The following NIPBL variants were observed in gnomAD, a reference collection of about 807,000 sequenced individuals.
NIPBL encodes nipped-B-like protein.
Under a neutral mutation model 321.8 loss-of-function variants are expected in NIPBL, and 19 were observed. The observed-to-expected ratio is 0.06, with a 90% CI of 0.04 to 0.09. NIPBL has a LOEUF of 0.09. NIPBL is among the 10% of genes least tolerant of loss of function. The pLI, the probability that NIPBL is intolerant of heterozygous loss-of-function variation, is 1.00. For synonymous variants in NIPBL, 1,106 were observed against 1,114.1 expected (o/e 0.99, Z 0.14); for missense variants, 2,210 against 3,327.0 (o/e 0.66, Z 8.26).
At chr5:36,956,877 G>A (rs144018995) in intron 3 of NIPBL, among the ~76,000 whole-genome samples, 609 of 151,726 alleles carry the variant, frequency 4.0e-3, no homozygotes, top group Non-Finnish European at 5.0e-3. Context: ...CACCCACCTC[G>A]GCCTCCCAAA....
chr5:37,061,886 G>A (rs1265332766), intron 45 of NIPBL, among the ~76,000 whole-genome samples: 2 of 152,108 alleles, frequency 1.3e-5, no homozygotes, highest in Admixed American at 6.5e-5. Flanking sequence ...TTGTTGCCCA[G>A]GCTGGAGTGC....
rs141750225 is a variant in NIPBL at position 36,957,983 on chromosome 5, CAAA to C, written c.231-105_231-103del. ...GGGGGACAAGAGTGAGACTTCGTCT[CAAA>C]AAAAAAAAAAAAAAATTCATATTGT... On this transcript the variant is annotated intron_variant, in intron 3 of 46. Transcript: ENST00000282516. 37,095 of 737,264 alleles carry C rather than the reference CAAA, an allele frequency of 0.05. 33 individuals carry two copies. The highest frequency in any genetic ancestry group is 0.076 in the Middle Eastern group (168 of 2,204). 45.7% of individuals were successfully genotyped at this position (737,264 alleles called of 1,614,324 possible). A position where few individuals can be genotyped will look rare whatever the true frequency, so the allele number is the denominator to read the frequency against.
At chr5:36,905,678 G>A (rs1298634505) in intron 1 of NIPBL, among the ~76,000 whole-genome samples, 7 of 151,790 alleles carry the variant, frequency 4.6e-5, no homozygotes, top group Non-Finnish European at 7.4e-5. Flanking sequence ...TTAGGTAGGC[G>A]CAATATTTCT....
chr5:37,041,251 G>GTTTTTT (rs1561200046), intron 34 of NIPBL, among the ~76,000 whole-genome samples: 2 of 93,684 alleles, frequency 2.1e-5, no homozygotes, highest in African/African-American at 1.4e-4. Flanking sequence ...GTTATGTGGT[G>GTTTTTT]GTTTTTTTTT....
At position 36,985,536 on chromosome 5, in the gene NIPBL, A is replaced by G. The variant is rs1040265113; in HGVS notation, c.2356A>G (p.Thr786Ala). ...KPEVSKHKQD[T>A]KSDSPRLKSE... Reference sequence around the variant, plus strand: ...TGAAGTGTCTAAACATAAACAAGATACTAAATCTGACTCACCTCGGTTAAA... The same window carrying G: ...TGAAGTGTCTAAACATAAACAAGATGCTAAATCTGACTCACCTCGGTTAAA... The change falls in exon 10 of 47, where the codon ACT becomes GCT. Residue 786 changes from threonine (T) to alanine (A), a missense_variant. Thr to Ala is a moderately conservative substitution (Grantham distance 58). Transcript: ENST00000282516. The G allele has an allele frequency of 2.5e-6, 4 of 1,613,676 alleles. No individual in the cohort carries two copies. In the Admixed American group the frequency reaches 5.0e-5, roughly 20 times the overall value.
intron 21 of NIPBL, among the ~76,000 whole-genome samples, chr5:37,010,594 C>G (rs1748006476): frequency 6.6e-6 from 1 of 152,150 alleles, no homozygotes; most frequent in South Asian, 2.1e-4. Flanking sequence ...GTGGGAGCCA[C>G]TGCGCCTGGC....
In NIPBL at chr5:36,938,244, T is replaced by C. The variant is rs138588101; in HGVS notation, c.-79-15374T>C. Among the ~76,000 whole-genome samples the C allele has an allele frequency of 8.1e-3, 1,238 of 152,104 alleles. 11 individuals carry two copies. Among genetic ancestry groups the C allele is most frequent in the African/African-American group, 0.028 (1,176 of 41,492 alleles). On this transcript the variant is annotated intron_variant, in intron 1 of 46. Transcript: ENST00000282516. ...TTCCGGGAGAAGGGTTGAGAGACTG[T>C]AGTTTTAGGCCAGTACGTATTGAAG...
chr5:36,999,340 T>A (rs1746517374), intron 11 of NIPBL, among the ~76,000 whole-genome samples: 1 of 152,210 alleles, frequency 6.6e-6, no homozygotes, highest in Non-Finnish European at 1.5e-5. Flanking sequence ...CAGCAACAAG[T>A]GATCACAACA....
intron 3 of NIPBL, among the ~76,000 whole-genome samples, chr5:36,957,424 T>C (rs1741089819): frequency 6.6e-6 from 1 of 152,210 alleles, no homozygotes; most frequent in African/African-American, 2.4e-5. Context: ...TAAGAAAATA[T>C]ATTCCAATAC....
intron 10 of NIPBL, 38 bp downstream of exon 10, chr5:36,986,339 C>T (rs764461996): frequency 1.1e-5 from 15 of 1,311,934 alleles, no homozygotes; most frequent in Admixed American, 7.9e-5. Context: ...ATAATATAAT[C>T]GATTTTAAGT....
intron 19 of NIPBL, 97 bp from the exon 20 acceptor site, chr5:37,008,526 A>G (rs1423063708): frequency 6.9e-6 from 5 of 727,496 alleles, no homozygotes; most frequent in Non-Finnish European, 1.2e-5. Context: ...AAACATTTTC[A>G]TTCTAAATGG....
intron 1 of NIPBL, among the ~76,000 whole-genome samples, chr5:36,914,635 A>G (rs1346840943): frequency 6.6e-6 from 1 of 152,234 alleles, no homozygotes; most frequent in Non-Finnish European, 1.5e-5. Context: ...CTCATTACGT[A>G]TATGCACATG....
At chr5:37,060,571 T>G (rs751639333) in intron 44 of NIPBL, among the ~76,000 whole-genome samples, 3 of 152,202 alleles carry the variant, frequency 2.0e-5, no homozygotes, top group Non-Finnish European at 2.9e-5. Context: ...TAAGCAGAGT[T>G]GTTAATAACC....
At chr5:36,972,159 A>T (rs960847997) in intron 8 of NIPBL, 118 bp downstream of exon 8, 136 of 703,816 alleles carry the variant, frequency 1.9e-4, no homozygotes, top group Non-Finnish European at 3.1e-4. Flanking sequence ...CATTGTAGAA[A>T]AAAAAATAAA....
chr5:36,913,508 G>C (rs1748215001), intron 1 of NIPBL, among the ~76,000 whole-genome samples: 1 of 151,212 alleles, frequency 6.6e-6, no homozygotes, highest in South Asian at 2.1e-4. Flanking sequence ...ACCTGTCTCA[G>C]CCTCCTAAAT....
chr5:36,921,913 G>T (rs1387251615), intron 1 of NIPBL, among the ~76,000 whole-genome samples: 1 of 147,404 alleles, frequency 6.8e-6, no homozygotes, highest in East Asian at 2.0e-4. Flanking sequence ...TTGAAACGAA[G>T]TCTTGCTCTG....
intron 10 of NIPBL, among the ~76,000 whole-genome samples, chr5:36,989,446 C>T (rs1745221547): frequency 6.6e-6 from 1 of 152,028 alleles, no homozygotes; most frequent in African/African-American, 2.4e-5. Flanking sequence ...CAAATATCTT[C>T]TACTAAAATA....
In NIPBL at chr5:36,876,821, C is replaced by CG; in HGVS notation, c.-437_-436insG. 1 of 385,110 alleles carries CG rather than the reference C, an allele frequency of 2.6e-6. No homozygotes were observed. Among genetic ancestry groups the CG allele is most frequent in the Non-Finnish European group, 4.6e-6 (1 of 217,818 alleles). 23.9% of individuals were successfully genotyped at this position (385,110 alleles called of 1,614,324 possible). Reference sequence around the variant, plus strand: ...CGAGAGAGAGACACACACAGGGCTCCTTCCCCCCGCCCTCCCCCCCCTCCC... The same window carrying CG: ...CGAGAGAGAGACACACACAGGGCTCCGTTCCCCCCGCCCTCCCCCCCCTCCC... On this transcript the variant is annotated 5_prime_UTR_variant, in exon 1 of 47. Coordinates refer to ENST00000282516, the MANE Select transcript of NIPBL (RefSeq NM_133433.4).
chr5:37,058,261 C>A lies in NIPBL; in HGVS notation c.7411-630C>A, dbSNP rs181661104. On this transcript the variant is annotated intron_variant, in intron 43 of 46. Transcript: ENST00000282516. ...GTTAATAATTTCCCAGGAGCTTTAG[C>A]CCTCATGTTCTCTTATTTTACCTAC... Among the ~76,000 whole-genome samples the A allele has an allele frequency of 6.9e-3, 1,043 of 152,244 alleles. 10 individuals are homozygous for A. The highest frequency in any genetic ancestry group is 0.024 in the African/African-American group (985 of 41,548).
Sources: gnomAD v4.1 joint callset for allele counts (sites outside exome capture counted in the v4.1 genomes callset) on GRCh38, gnomAD v4.1.1 for gene constraint, MANE v1.5 for transcripts, NCBI Gene and HGNC (gene_info 2026-07-23, HGNC 2026-07-21) for gene names.